The following ZNF831 variants were observed in gnomAD, a reference collection of about 807,000 sequenced individuals.
ZNF831 encodes the protein zinc finger protein 831, also known as chromosome 20 open reading frame 174.
ZNF831 carries 59 observed loss-of-function variants against 95.8 expected under a neutral mutation model. That is an observed-to-expected ratio of 0.62 (90% confidence interval 0.50 to 0.77). The LOEUF is 0.77. ZNF831 is among the 30% of genes least tolerant of loss of function. ZNF831 has a pLI of 0.00. For missense variants in ZNF831, 2,205 were observed against 2,164.0 expected, an observed-to-expected ratio of 1.02 and a Z score of -0.38; for synonymous variants, 961 against 925.5, an observed-to-expected ratio of 1.04 and a Z score of -0.70.
intron 4 of ZNF831, among the ~76,000 whole-genome samples, chr20:59,224,940 G>C (rs1361466350): frequency 6.6e-6 from 1 of 150,808 alleles, no homozygotes; most frequent in South Asian, 2.1e-4. Context: ...GGATTTGTAG[G>C]GTTTTTAAAT....
intron 1 of ZNF831, among the ~76,000 whole-genome samples, chr20:59,129,317 C>A (rs900509806): frequency 5.9e-5 from 9 of 151,474 alleles, no homozygotes; most frequent in African/African-American, 1.9e-4. Context: ...ATGCATGGAA[C>A]CCCCAACGCT....
At chr20:59,141,232 ATTTTT>A (rs572243916) in intron 1 of ZNF831, among the ~76,000 whole-genome samples, 1 of 151,904 alleles carries the variant, frequency 6.6e-6, no homozygotes, top group South Asian at 2.1e-4. Flanking sequence ...TAATTTATTG[ATTTTT>A]TTTCTTTTAT....
At chr20:59,206,560 T>C (rs1269177444) in intron 3 of ZNF831, among the ~76,000 whole-genome samples, 2 of 152,230 alleles carry the variant, frequency 1.3e-5, no homozygotes, top group African/African-American at 2.4e-5. Flanking sequence ...TTTCCATCAT[T>C]GAAGAATAAA....
intron 1 of ZNF831, among the ~76,000 whole-genome samples, chr20:59,135,671 C>G (rs771196149): frequency 5.9e-5 from 9 of 152,066 alleles, no homozygotes; most frequent in Non-Finnish European, 1.2e-4. Context: ...GCGGAGCTGG[C>G]AGTGAGCCGA....
intron 4 of ZNF831, among the ~76,000 whole-genome samples, chr20:59,209,285 C>G (rs944852458): frequency 6.6e-6 from 1 of 152,196 alleles, no homozygotes; most frequent in Non-Finnish European, 1.5e-5. Flanking sequence ...TTAGCACATA[C>G]TGAGTGCCCA....
chr20:59,154,050 C>T (rs1980395990), intron 2 of ZNF831, among the ~76,000 whole-genome samples: 1 of 152,054 alleles, frequency 6.6e-6, no homozygotes, highest in East Asian at 1.9e-4. Flanking sequence ...AAGAGCTAGT[C>T]ATAAAAAAAG....
At chr20:59,145,794 C>T (rs1979827439) in intron 1 of ZNF831, among the ~76,000 whole-genome samples, 1 of 152,276 alleles carries the variant, frequency 6.6e-6, no homozygotes, top group East Asian at 1.9e-4. Flanking sequence ...CCTGATTTCC[C>T]TGTCCATGTG....
chr20:59,132,675 G>T lies in ZNF831; in HGVS notation c.-1425+9170G>T, dbSNP rs531065420. ...TATTTTTTTTTCAATTGGGCACCTT[G>T]TCTTTTTCATACTTTTTTGTAATCA... On this transcript the variant is annotated intron_variant, in intron 1 of 7. Coordinates refer to the ZNF831 transcript ENST00000637017. Among the ~76,000 whole-genome samples, 3 of 152,252 alleles carry T rather than the reference G, an allele frequency of 2.0e-5. No individual in the cohort carries two copies. In the South Asian group the frequency reaches 6.2e-4, roughly 32 times the overall value.
At position 59,254,553 on chromosome 20, in the gene ZNF831, G is replaced by T. The variant is rs201549554; in HGVS notation, c.4844G>T (p.Arg1615Leu). 1 of 1,614,054 alleles carries T rather than the reference G, an allele frequency of 6.2e-7. No homozygotes were observed. The highest frequency in any genetic ancestry group is 8.5e-7 in the Non-Finnish European group (1 of 1,180,024). Reference protein sequence around the residue: ...CPSLGSDGRKRQVSGLITRKD... With the variant: ...CPSLGSDGRKLQVSGLITRKD... ...TCTTTAGGAAGTGACGGTAGGAAAC[G>T]TCAGGTATCTGGATTAATCACTCGG... Residue 1615 changes from arginine to leucine, a missense_variant, in exon 6 of 6, where the codon CGT (arginine) becomes CTT (leucine). Coordinates refer to ENST00000371030, the MANE Select transcript of ZNF831 (RefSeq NM_178457.3). The surrounding 1 kb of genome is among the most constrained non-coding windows in gnomAD (Gnocchi z 4.5).
chr20:59,167,439 A>G (rs890492821), intron 1 of ZNF831, among the ~76,000 whole-genome samples: 16 of 152,086 alleles, frequency 1.1e-4, no homozygotes, highest in African/African-American at 3.1e-4. Context: ...AAAAAAAAAA[A>G]AATTAACTTC....
intron 1 of ZNF831, among the ~76,000 whole-genome samples, chr20:59,129,899 T>TG (rs1185214330): frequency 1.3e-5 from 2 of 152,234 alleles, no homozygotes; most frequent in Admixed American, 6.5e-5. Flanking sequence ...TAGAACTCCA[T>TG]GGGGGGCTTA....
rs771885349 is a variant in ZNF831 at position 59,169,117 on chromosome 20, C to T, written c.-37+4910C>T. Among the ~76,000 whole-genome samples the T allele has an allele frequency of 8.5e-5, 13 of 152,116 alleles. No homozygotes were observed. Among genetic ancestry groups the T allele is most frequent in the Non-Finnish European group, 1.3e-4 (9 of 68,036 alleles). On this transcript the variant is annotated intron_variant, in intron 1 of 5. Transcript: ENST00000371030. This position sits in a 1 kb window ranked among gnomAD's most constrained non-coding sequence, Gnocchi z 4.1. The stretch of plus-strand genomic sequence containing the variant: ...TTCTGTTTTCCGGATAAAGTTGCGT[C>T]GAATTTGTGTTAATTCTTCTTTTAA...
At position 59,194,450 on chromosome 20, in the gene ZNF831, C is replaced by A; in HGVS notation, c.3431C>A (p.Pro1144His). 6.2e-7 allele frequency: 1 copy of A among 1,613,082 alleles called. No individual in the cohort carries two copies. Among genetic ancestry groups the A allele is most frequent in the Non-Finnish European group, 8.5e-7 (1 of 1,179,790 alleles). ...GCCCTCACTCGGCCTCAGGGTGTGCCCCCAGGCTGGCCAGAGCTGGCCTTG... is the reference window on the plus strand; with the variant it reads ...GCCCTCACTCGGCCTCAGGGTGTGCACCCAGGCTGGCCAGAGCTGGCCTTG... ...LTALTRPQGV[P>H]PGWPELALSS... The change falls in exon 2 of 6, where the codon CCC (proline) becomes CAC (histidine). Residue 1144 changes from proline to histidine, a missense_variant. Coordinates refer to ENST00000371030, the MANE Select transcript of ZNF831 (RefSeq NM_178457.3).
At chr20:59,127,279 T>C (rs1476110448) in intron 1 of ZNF831, among the ~76,000 whole-genome samples, 1 of 152,112 alleles carries the variant, frequency 6.6e-6, no homozygotes, top group Admixed American at 6.5e-5. Flanking sequence ...CCCCTGATCA[T>C]AGACCATCCA....
At chr20:59,234,005 G>A (rs770390843) in intron 4 of ZNF831, among the ~76,000 whole-genome samples, 3 of 152,186 alleles carry the variant, frequency 2.0e-5, no homozygotes, top group Non-Finnish European at 4.4e-5. Flanking sequence ...CTGATGATGA[G>A]CAGCTTTTTC....
chr20:59,243,941 T>G (rs1251716757), intron 4 of ZNF831, among the ~76,000 whole-genome samples: 4 of 144,840 alleles, frequency 2.8e-5, no homozygotes, highest in Admixed American at 6.7e-5. Flanking sequence ...TATTAACAAT[T>G]TTTTTTTCCC....
intron 3 of ZNF831, 42 bp downstream of exon 3, chr20:59,196,047 A>G: frequency 6.2e-7 from 1 of 1,604,350 alleles, no homozygotes; most frequent in Non-Finnish European, 8.5e-7. Flanking sequence ...CAAAACCCCA[A>G]GAAGAATTTA....
rs1988178577 is a variant in ZNF831 at position 59,256,153 on chromosome 20, C to T, written c.*1410C>T. On this transcript the variant is annotated 3_prime_UTR_variant, in exon 6 of 6. Transcript: ENST00000371030. ...CAGCAGCAATGCAGAGCATCTCACA[C>T]ATGTGAATACACTTCAGTCAGTCTG... The T allele has an allele frequency of 6.6e-6, 1 of 152,214 alleles. No homozygotes were observed. The highest frequency in any genetic ancestry group is 1.5e-5 in the Non-Finnish European group (1 of 68,036). 9.4% of individuals were successfully genotyped at this position (152,214 alleles called of 1,614,324 possible). A position where few individuals can be genotyped will look rare whatever the true frequency, so the allele number is the denominator to read the frequency against.
At chr20:59,146,905 T>A (rs187178967) in intron 2 of ZNF831, 3 of 152,276 alleles carry the variant, frequency 2.0e-5, no homozygotes. Context: ...TAATAGGAAA[T>A]GAAGCTGCAG....
Sources: gnomAD v4.1 joint callset for allele counts (sites outside exome capture counted in the v4.1 genomes callset) on GRCh38, gnomAD v4.1.1 for gene constraint, Gnocchi (gnomAD v3.1) non-coding constraint, MANE v1.5 for transcripts, NCBI Gene and HGNC (gene_info 2026-07-23, HGNC 2026-07-21) for gene names.